Variants in HECW2 observed in about 807,000 individuals in gnomAD.
The protein encoded by HECW2 is HECT, C2 and WW domain containing E3 ubiquitin protein ligase 2, also known as E3 ubiquitin-protein ligase HECW2.
In HECW2, 61 loss-of-function variants were observed where a neutral mutation model predicts 175.2. That is an observed-to-expected ratio of 0.35 (90% CI 0.28 to 0.43). The LOEUF is 0.43. Ranked by LOEUF, HECW2 falls within the 20% of genes least tolerant of loss-of-function variation. HECW2 has a pLI of 1.00. For missense variants in HECW2, 1,524 were observed against 2,000.5 expected, an observed-to-expected ratio of 0.76 and a Z score of 4.54; for synonymous variants, 671 against 731.0, an observed-to-expected ratio of 0.92 and a Z score of 1.32.
intron 1 of HECW2, among the ~76,000 whole-genome samples, chr2:196,438,283 T>C (rs1695940110): frequency 6.6e-6 from 1 of 152,152 alleles, no homozygotes; most frequent in African/African-American, 2.4e-5. Context: ...ACACAACCCA[T>C]GGGTGTAATT....
Position 196,318,702 on chromosome 2 carries a change from G to T in HECW2, c.2188C>A (p.Gln730Lys), listed in dbSNP as rs1691800678. ...PGAESATVPD[Q>K]EELGEVWQRR... Reference sequence around the variant, plus strand: ...TGCCAGACCTCCCCCAGCTCCTCCTGGTCAGGTACAGTGGCCGATTCTGCC... The same window carrying T: ...TGCCAGACCTCCCCCAGCTCCTCCTTGTCAGGTACAGTGGCCGATTCTGCC... The change falls in exon 9 of 29, where the codon CAG (glutamine) becomes AAG (lysine). Residue 730 changes from glutamine to lysine, a missense_variant. By Grantham distance (53) the Gln-to-Lys change is moderately conservative. Around this residue, in one of 11 missense-constraint regions of HECW2, gnomAD observed 604 missense variants for 588.3 expected, o/e 1.03. Coordinates refer to ENST00000644978, the MANE Select transcript of HECW2 (RefSeq NM_001348768.2). 6.3e-7 allele frequency: 1 copy of T among 1,582,982 alleles called. No homozygotes were observed. The highest frequency in any genetic ancestry group is 1.4e-5 in the African/African-American group (1 of 73,636).
At chr2:196,285,202 A>G (rs1056550865) in intron 14 of HECW2, among the ~76,000 whole-genome samples, 3 of 152,202 alleles carry the variant, frequency 2.0e-5, no homozygotes, top group African/African-American at 4.8e-5. Context: ...TTATTTTAAG[A>G]AAAGAAAAAG....
At chr2:196,433,980 C>T (rs563147801) in intron 1 of HECW2, among the ~76,000 whole-genome samples, 1 of 152,314 alleles carries the variant, frequency 6.6e-6, no homozygotes, top group African/African-American at 2.4e-5. Context: ...TACCTCTTCT[C>T]CTAAATACAG....
At chr2:196,284,441 G>T (rs1690306549) in intron 14 of HECW2, among the ~76,000 whole-genome samples, 1 of 152,208 alleles carries the variant, frequency 6.6e-6, no homozygotes, top group Non-Finnish European at 1.5e-5. Flanking sequence ...CTAGGGCACT[G>T]ACTGAATATA....
At chr2:196,456,492 C>T (rs1160083773) in intron 1 of HECW2, among the ~76,000 whole-genome samples, 1 of 152,188 alleles carries the variant, frequency 6.6e-6, no homozygotes, top group East Asian at 1.9e-4. Context: ...TTGTAAATGG[C>T]TCCTTGGGAC....
At chr2:196,343,403 C>A (rs1339722308) in intron 3 of HECW2, among the ~76,000 whole-genome samples, 2 of 152,092 alleles carry the variant, frequency 1.3e-5, no homozygotes, top group Admixed American at 6.5e-5. Flanking sequence ...TTTTGATCCA[C>A]AGTTGGTTGA....
chr2:196,448,751 A>AT (rs1696260764), intron 1 of HECW2, among the ~76,000 whole-genome samples: 1 of 152,164 alleles, frequency 6.6e-6, no homozygotes, highest in East Asian at 1.9e-4. Flanking sequence ...CCTTGTTGAG[A>AT]AGTAGCAATT....
At chr2:196,467,692 T>C (rs1324535063) in intron 1 of HECW2, among the ~76,000 whole-genome samples, 1 of 152,226 alleles carries the variant, frequency 6.6e-6, no homozygotes, top group Non-Finnish European at 1.5e-5. Flanking sequence ...ATATTGAGCA[T>C]ACAAATTATC....
At chr2:196,353,012 G>A (rs1258577125) in intron 2 of HECW2, among the ~76,000 whole-genome samples, 1 of 152,166 alleles carries the variant, frequency 6.6e-6, no homozygotes, top group South Asian at 2.1e-4. Context: ...GAAATCCAAA[G>A]TGTTTATGAT....
chr2:196,394,005 G>GCC (rs1694589277), intron 2 of HECW2, among the ~76,000 whole-genome samples: 1 of 152,188 alleles, frequency 6.6e-6, no homozygotes, highest in Non-Finnish European at 1.5e-5. Context: ...CCTTTGTAGG[G>GCC]ACATGGATGA....
chr2:196,584,663 C>G (rs555116906), intron 1 of HECW2, among the ~76,000 whole-genome samples: 6 of 151,968 alleles, frequency 3.9e-5, no homozygotes, highest in African/African-American at 1.4e-4. Context: ...TTCTCTAAGA[C>G]TGTTCTCATA....
intron 15 of HECW2, 142 bp downstream of exon 15, chr2:196,278,386 C>T (rs77325892): frequency 0.079 from 69,074 of 874,116 alleles, 3,169 homozygotes; most frequent in East Asian, 0.17. Context: ...TGTCAACATT[C>T]GAAAGCTTTT....
intron 13 of HECW2, among the ~76,000 whole-genome samples, chr2:196,292,963 C>T (rs1690659634): frequency 6.6e-6 from 1 of 152,044 alleles, no homozygotes; most frequent in Admixed American, 6.5e-5. Context: ...AGGCAGTATC[C>T]ACAGCTGGTG....
At chr2:196,421,618 A>G (rs1161098755) in intron 2 of HECW2, among the ~76,000 whole-genome samples, 1 of 152,228 alleles carries the variant, frequency 6.6e-6, no homozygotes, top group African/African-American at 2.4e-5. Flanking sequence ...CAGAACAAAG[A>G]ATTTCTAAAC....
intron 17 of HECW2, among the ~76,000 whole-genome samples, chr2:196,269,831 T>C (rs930834285): frequency 1.4e-4 from 21 of 152,236 alleles, no homozygotes; most frequent in South Asian, 4.1e-4. Context: ...CCAAAGGTTA[T>C]TGCAGCCAAC....
intron 1 of HECW2, among the ~76,000 whole-genome samples, chr2:196,437,242 C>T (rs79600950): frequency 0.25 from 37,645 of 151,790 alleles, 4,946 homozygotes; most frequent in Middle Eastern, 0.32. Context: ...AGGAAGAGTA[C>T]TGGGAGGCGG....
At chr2:196,403,726 C>T (rs1694882478) in intron 2 of HECW2, among the ~76,000 whole-genome samples, 1 of 152,218 alleles carries the variant, frequency 6.6e-6, no homozygotes, top group African/African-American at 2.4e-5. Flanking sequence ...GGCTATAAGA[C>T]CAGTCAGCCT....
intron 19 of HECW2, among the ~76,000 whole-genome samples, chr2:196,253,700 T>C (rs897156061): frequency 6.6e-6 from 1 of 152,206 alleles, no homozygotes; most frequent in Non-Finnish European, 1.5e-5. Flanking sequence ...TATATCTGAG[T>C]ATGTCATACC....
intron 1 of HECW2, among the ~76,000 whole-genome samples, chr2:196,453,706 T>C (rs1461548073): frequency 6.6e-6 from 1 of 152,196 alleles, no homozygotes; most frequent in Non-Finnish European, 1.5e-5. Flanking sequence ...AGTCATGTTT[T>C]CATCAGGAAG....
Sources: allele counts gnomAD v4.1 joint callset (sites outside exome capture counted in the v4.1 genomes callset), GRCh38; gene constraint gnomAD v4.1.1; regional missense constraint gnomAD v4.1.1; transcripts MANE v1.5; gene names NCBI Gene and HGNC (gene_info 2026-07-23, HGNC 2026-07-21).